Variants in SHISA9 observed in about 807,000 individuals in gnomAD.
SHISA9 encodes protein shisa-9.
In SHISA9, 13 loss-of-function variants were observed where a neutral mutation model predicts 38.0. That is an observed-to-expected ratio of 0.34 (90% CI 0.22 to 0.54). The LOEUF (loss-of-function observed/expected upper bound fraction) is 0.54. Among genes scored for constraint, SHISA9 ranks in the 20% least tolerant of loss-of-function variants. The probability of loss-of-function intolerance (pLI) is 0.91; values close to 1 mark genes in which losing one functional copy is unlikely to be tolerated. For synonymous variants in SHISA9, 275 were observed against 242.0 expected, an observed-to-expected ratio of 1.14 and a Z score of -1.27; for missense variants, 538 against 575.8, an observed-to-expected ratio of 0.93 and a Z score of 0.67.
chr16:13,313,079 C>T, the SHISA9 span, among the ~76,000 whole-genome samples: 1 of 150,784 alleles, frequency 6.6e-6, no homozygotes, highest in Non-Finnish European at 1.5e-5. Flanking sequence ...AACGGTGAAA[C>T]CCCGTCTCTA....
chr16:13,304,361 G>A, the SHISA9 span, among the ~76,000 whole-genome samples: 2 of 152,208 alleles, frequency 1.3e-5, no homozygotes, highest in African/African-American at 2.4e-5. Flanking sequence ...CCAGGCTCAG[G>A]TGAACCTCCC....
chr16:13,385,314 A>G, the SHISA9 span, among the ~76,000 whole-genome samples: 2 of 152,252 alleles, frequency 1.3e-5, no homozygotes, highest in African/African-American at 4.8e-5. Flanking sequence ...GAGAAATTGA[A>G]ATGGACATTC....
chr16:13,375,202 T>A, the SHISA9 span, among the ~76,000 whole-genome samples: 1 of 152,230 alleles, frequency 6.6e-6, no homozygotes, highest in Non-Finnish European at 1.5e-5. Context: ...AATTGTGGCT[T>A]CTGTTGCCAT....
chr16:13,148,858 G>A (rs533377988), intron 2 of SHISA9, among the ~76,000 whole-genome samples: 1 of 152,148 alleles, frequency 6.6e-6, no homozygotes, highest in East Asian at 1.9e-4. Flanking sequence ...AAAGTTTATG[G>A]GGAAATAAAA....
the SHISA9 span, among the ~76,000 whole-genome samples, chr16:13,406,787 G>T: frequency 6.6e-6 from 1 of 152,208 alleles, no homozygotes; most frequent in African/African-American, 2.4e-5. Flanking sequence ...GGAGACCACA[G>T]GTCGGGTGCG....
the SHISA9 span, among the ~76,000 whole-genome samples, chr16:13,414,864 C>T: frequency 6.6e-6 from 1 of 152,104 alleles, no homozygotes; most frequent in Non-Finnish European, 1.5e-5. Flanking sequence ...AACTCTTGAC[C>T]TTAGGTGATC....
intron 2 of SHISA9, among the ~76,000 whole-genome samples, chr16:13,103,229 C>A (rs532469242): frequency 1.3e-5 from 2 of 152,194 alleles, no homozygotes; most frequent in Non-Finnish European, 2.9e-5. Context: ...TCTTCCGGAA[C>A]TTCACACCCC....
the SHISA9 span, among the ~76,000 whole-genome samples, chr16:13,452,191 A>G: frequency 6.6e-6 from 1 of 152,182 alleles, no homozygotes; most frequent in Non-Finnish European, 1.5e-5. Flanking sequence ...CCCAATTGTT[A>G]TTCTCAACTG....
the SHISA9 span, among the ~76,000 whole-genome samples, chr16:13,284,462 A>T: frequency 3.3e-5 from 5 of 152,340 alleles, no homozygotes; most frequent in East Asian, 9.6e-4. Context: ...TGTATTTCTT[A>T]TCATTGCATT....
At chr16:13,423,645 C>G in the SHISA9 span, among the ~76,000 whole-genome samples, 4 of 152,148 alleles carry the variant, frequency 2.6e-5, no homozygotes, top group Non-Finnish European at 5.9e-5. Context: ...ACTCACAGTT[C>G]TATATGTCTG....
At chr16:13,540,361 C>T in the SHISA9 span, among the ~76,000 whole-genome samples, 4 of 152,242 alleles carry the variant, frequency 2.6e-5, no homozygotes, top group Non-Finnish European at 4.4e-5. Flanking sequence ...CTTTGTTCAC[C>T]GATTTGGCAG....
At chr16:13,400,295 A>G in the SHISA9 span, among the ~76,000 whole-genome samples, 396 of 152,272 alleles carry the variant, frequency 2.6e-3, 1 homozygote, top group Non-Finnish European at 3.7e-3. Flanking sequence ...TACTGGCATT[A>G]GTAACTTTCT....
At chr16:13,531,685 ATTTTGAAGTCAGAGAT>A in the SHISA9 span, among the ~76,000 whole-genome samples, 1 of 152,206 alleles carries the variant, frequency 6.6e-6, no homozygotes, top group African/African-American at 2.4e-5. Flanking sequence ...GAGGGGACTG[ATTTTGAAGTCAGAGAT>A]GTATGAGCAA....
intron 2 of SHISA9, among the ~76,000 whole-genome samples, chr16:12,973,154 G>C (rs1214460133): frequency 2.0e-5 from 3 of 152,172 alleles, no homozygotes; most frequent in African/African-American, 7.2e-5. Flanking sequence ...AATAGATTTT[G>C]TTAGCAAGAA....
At chr16:13,367,170 TC>T in the SHISA9 span, among the ~76,000 whole-genome samples, 2 of 151,350 alleles carry the variant, frequency 1.3e-5, no homozygotes, top group Non-Finnish European at 2.9e-5. Context: ...AGGGTGAACA[TC>T]TAAATAAAAT....
chr16:13,102,812 G>T (rs2073891716), intron 2 of SHISA9, among the ~76,000 whole-genome samples: 1 of 152,122 alleles, frequency 6.6e-6, no homozygotes, highest in Admixed American at 6.6e-5. Context: ...TGTAGTCGCT[G>T]TTCCGGGAAA....
rs183732166 is a variant in SHISA9, at chr16:13,020,193, A to G, written c.691+103378A>G. 1.6e-4 allele frequency among the ~76,000 whole-genome samples: 24 copies of G among 150,996 alleles called. No homozygotes were observed. The East Asian group carries it at 4.7e-3, about 30-fold the overall frequency. The stretch of plus-strand genomic sequence containing the variant: ...AGGCAAGTGCCACCATGCCTGGCTA[A>G]TTTTGTATTTTTAGTGGAGACAGGA... On this transcript the variant is annotated intron_variant, in intron 2 of 4. Transcript: ENST00000558583.
chr16:12,944,317 C>G (rs904548628), intron 2 of SHISA9, among the ~76,000 whole-genome samples: 1 of 152,180 alleles, frequency 6.6e-6, no homozygotes, highest in African/African-American at 2.4e-5. Flanking sequence ...GTCTTGACCT[C>G]CAAGCAGCAA....
intron 2 of SHISA9, among the ~76,000 whole-genome samples, chr16:13,148,178 T>C (rs2050464299): frequency 6.6e-6 from 1 of 152,102 alleles, no homozygotes; most frequent in African/African-American, 2.4e-5. Context: ...GTACTTCTGG[T>C]GCATCACCCC....
Sources: allele counts gnomAD v4.1 joint callset (sites outside exome capture counted in the v4.1 genomes callset), GRCh38; gene constraint gnomAD v4.1.1; transcripts MANE v1.5; gene names NCBI Gene and HGNC (gene_info 2026-07-23, HGNC 2026-07-21).